Variants in RASSF5 observed in about 807,000 individuals in gnomAD.
RASSF5 encodes ras association domain-containing protein 5.
RASSF5 carries 25 observed loss-of-function variants against 40.5 expected under a neutral mutation model. The observed-to-expected ratio is 0.62, with a 90% CI of 0.45 to 0.86. The LOEUF is 0.86. Ranked by LOEUF, RASSF5 falls within the 40% of genes least tolerant of loss-of-function variation. The pLI, the probability that RASSF5 is intolerant of heterozygous loss-of-function variation, is 0.00. For missense variants in RASSF5, 521 were observed against 572.8 expected (o/e 0.91, Z 0.92); for synonymous variants, 246 against 252.4 (o/e 0.97, Z 0.24).
chr1:206,513,482 T>C lies in RASSF5; in HGVS notation c.457+5423T>C, dbSNP rs956384863. Among the ~76,000 whole-genome samples the C allele has an allele frequency of 6.6e-6, 1 of 152,346 alleles. No individual in the cohort carries two copies. The highest frequency in any genetic ancestry group is 2.4e-5 in the African/African-American group (1 of 41,578). On this transcript the variant is annotated intron_variant, in intron 1 of 5. Coordinates refer to ENST00000579436, the MANE Select transcript of RASSF5 (RefSeq NM_182663.4). This position sits in a 1 kb window ranked among gnomAD's most constrained non-coding sequence, Gnocchi z 5.0. Reference sequence around the variant, plus strand: ...GCTCAGTCAGCACCAGCTGGTATGATTTCCTTCTCACAAGCTTGCAGACCT... The same window carrying C: ...GCTCAGTCAGCACCAGCTGGTATGACTTCCTTCTCACAAGCTTGCAGACCT...
At chr1:206,563,829 C>T (rs1359983737) in intron 2 of RASSF5, among the ~76,000 whole-genome samples, 1 of 152,162 alleles carries the variant, frequency 6.6e-6, no homozygotes, top group Non-Finnish European at 1.5e-5. Context: ...AGGATTTGCC[C>T]CCAGTCACAC....
chr1:206,529,310 C>A, intron 1 of RASSF5: 1 of 805,260 alleles, frequency 1.2e-6, no homozygotes, highest in Non-Finnish European at 2.2e-6. Flanking sequence ...GACCACCTGT[C>A]CTTCGAGCAG....
rs1667664805 is a variant in RASSF5, at chr1:206,545,674, A to G, written c.579+7381A>G. 2.0e-5 allele frequency among the ~76,000 whole-genome samples: 3 copies of G among 152,180 alleles called. No individual in the cohort carries two copies. In the South Asian group the frequency reaches 6.2e-4, roughly 31 times the overall value. On this transcript the variant is annotated intron_variant, in intron 2 of 5. Coordinates refer to ENST00000579436, the MANE Select transcript of RASSF5 (RefSeq NM_182663.4). ...TGCTTAGTTAATTGACCTGTGTATCATTATGAAATGACCTTCTTTATCCCT... is the reference window on the plus strand; with the variant it reads ...TGCTTAGTTAATTGACCTGTGTATCGTTATGAAATGACCTTCTTTATCCCT...
In RASSF5 at chr1:206,584,580, C is replaced by G. The variant is rs1553407144; in HGVS notation, c.884C>G (p.Thr295Ser). The G allele has an allele frequency of 1.1e-5, 18 of 1,614,098 alleles. No homozygotes were observed. The highest frequency in any genetic ancestry group is 4.5e-5 in the East Asian group (2 of 44,892). ...DAIKQLHISS[T>S]TTVSEVIQGL... ...ATCAAGCAGCTGCACATCAGCAGCA[C>G]CACCACCGTCAGTGAGGTCATCCAG... is the stretch of plus-strand genomic sequence containing the variant. The change falls in exon 4 of 6, where the codon ACC (threonine) becomes AGC (serine). Residue 295 changes from threonine (T) to serine (S), a missense_variant. Around this residue, in one of 2 missense-constraint regions of RASSF5, gnomAD observed 284 missense variants for 360.8 expected, o/e 0.79. Transcript: ENST00000579436. The surrounding 1 kb of genome is among the most constrained non-coding windows in gnomAD (Gnocchi z 4.9).
chr1:206,536,783 C>A (rs139870853), intron 1 of RASSF5, among the ~76,000 whole-genome samples: 562 of 152,242 alleles, frequency 3.7e-3, no homozygotes, highest in African/African-American at 0.013. Flanking sequence ...ACTCCTGCCA[C>A]AAAACCCGCC....
At chr1:206,556,355 C>A (rs1427603961) in intron 2 of RASSF5, among the ~76,000 whole-genome samples, 1 of 152,214 alleles carries the variant, frequency 6.6e-6, no homozygotes, top group African/African-American at 2.4e-5. Context: ...TGATAGAGTG[C>A]ACGTAAATCA....
In RASSF5 at chr1:206,525,220, C is replaced by T. The variant is rs76725342; in HGVS notation, c.458-12952C>T. Reference sequence around the variant, plus strand: ...GATTAATGTGCCTGCCCGAGAGGCACACCCACCCACACCCACCCACGTGAG... The same window carrying T: ...GATTAATGTGCCTGCCCGAGAGGCATACCCACCCACACCCACCCACGTGAG... On this transcript the variant is annotated intron_variant, in intron 1 of 5. Coordinates refer to ENST00000579436, the MANE Select transcript of RASSF5 (RefSeq NM_182663.4). 5.9e-3 allele frequency among the ~76,000 whole-genome samples: 901 copies of T among 152,246 alleles called. 7 individuals carry two copies. The highest frequency in any genetic ancestry group is 0.02 in the African/African-American group (832 of 41,538).
intron 2 of RASSF5, chr1:206,572,796 G>A (rs1668493289): frequency 6.6e-6 from 1 of 152,166 alleles, no homozygotes; most frequent in Admixed American, 6.5e-5. Flanking sequence ...TGCAATCATA[G>A]AATATAATTT....
chr1:206,584,592 G>C lies in RASSF5; in HGVS notation c.896G>C (p.Ser299Thr). The C allele has an allele frequency of 6.2e-7, 1 of 1,614,246 alleles. No homozygotes were observed. The highest frequency in any genetic ancestry group is 8.5e-7 in the Non-Finnish European group (1 of 1,180,046). Residue 299 changes from serine to threonine, a missense_variant, in exon 4 of 6, where the codon AGT becomes ACT. Transcript: ENST00000579436. The surrounding 1 kb of genome is among the most constrained non-coding windows in gnomAD (Gnocchi z 4.9). ...CACATCAGCAGCACCACCACCGTCA[G>C]TGAGGTCATCCAGGGGCTGCTCAAG... ...QLHISSTTTV[S>T]EVIQGLLKKF...
intron 2 of RASSF5, among the ~76,000 whole-genome samples, chr1:206,574,697 G>A (rs1668570543): frequency 6.6e-6 from 1 of 152,066 alleles, no homozygotes; most frequent in South Asian, 2.1e-4. Flanking sequence ...TGCCATAGAG[G>A]GACCTGTGGA....
At chr1:206,557,733 G>T (rs373288171) in intron 2 of RASSF5, 26 of 1,602,316 alleles carry the variant, frequency 1.6e-5, no homozygotes, top group Non-Finnish European at 2.1e-5. Context: ...TTCGTGGGGG[G>T]AAATAACCTC....
chr1:206,577,962 C>T (rs1668715494), intron 2 of RASSF5, among the ~76,000 whole-genome samples: 1 of 152,102 alleles, frequency 6.6e-6, no homozygotes, highest in South Asian at 2.1e-4. Context: ...GTGGGTCACA[C>T]CTGTAATCCT....
At chr1:206,515,430 G>A (rs1553395270) in intron 1 of RASSF5, among the ~76,000 whole-genome samples, 3 of 152,192 alleles carry the variant, frequency 2.0e-5, no homozygotes, top group African/African-American at 7.2e-5. Flanking sequence ...TGTGTAGGGG[G>A]TGGGCCTGGA....
At chr1:206,575,427 T>C (rs1668603545) in intron 2 of RASSF5, among the ~76,000 whole-genome samples, 1 of 152,000 alleles carries the variant, frequency 6.6e-6, no homozygotes, top group Non-Finnish European at 1.5e-5. Context: ...TTTTCTTGAG[T>C]TGTGTGTGTT....
intron 1 of RASSF5, among the ~76,000 whole-genome samples, chr1:206,514,213 C>T (rs1481024186): frequency 6.6e-6 from 1 of 152,204 alleles, no homozygotes; most frequent in Non-Finnish European, 1.5e-5. Flanking sequence ...CTCCTGGCAT[C>T]ATAGCATGTG....
rs898359224 is a variant in RASSF5, at chr1:206,535,491, A to G, written c.458-2681A>G. Among the ~76,000 whole-genome samples the G allele has an allele frequency of 2.6e-5, 4 of 152,266 alleles. No individual in the cohort carries two copies. The highest frequency in any genetic ancestry group is 9.6e-5 in the African/African-American group (4 of 41,550). On this transcript the variant is annotated intron_variant, in intron 1 of 5. Coordinates refer to ENST00000579436, the MANE Select transcript of RASSF5 (RefSeq NM_182663.4). This position sits in a 1 kb window ranked among gnomAD's most constrained non-coding sequence, Gnocchi z 5.0. ...CTGACTTCATCTCTGCTGGCCTAAA[A>G]GCCCTGGGCTTGGCATTTCCAGGAC...
At chr1:206,568,078 A>C (rs1668332435) in intron 2 of RASSF5, among the ~76,000 whole-genome samples, 1 of 152,162 alleles carries the variant, frequency 6.6e-6, no homozygotes, top group Non-Finnish European at 1.5e-5. Flanking sequence ...GGATGCCCAC[A>C]AATGCAGCCT....
intron 1 of RASSF5, among the ~76,000 whole-genome samples, chr1:206,514,781 T>C (rs964033230): frequency 3.3e-5 from 5 of 152,248 alleles, no homozygotes; most frequent in South Asian, 2.1e-4. Flanking sequence ...ATCATTGTGT[T>C]TGCTGAAGAT....
At chr1:206,523,697 A>T (rs1490703855) in intron 1 of RASSF5, among the ~76,000 whole-genome samples, 1 of 78,992 alleles carries the variant, frequency 1.3e-5, no homozygotes, top group Non-Finnish European at 2.2e-5. Flanking sequence ...ATTATATATA[A>T]TATATTTATA....
Sources: gnomAD v4.1 joint callset for allele counts (sites outside exome capture counted in the v4.1 genomes callset) on GRCh38, gnomAD v4.1.1 for gene constraint, gnomAD v4.1.1 regional missense constraint, Gnocchi (gnomAD v3.1) non-coding constraint, MANE v1.5 for transcripts, NCBI Gene and HGNC (gene_info 2026-07-23, HGNC 2026-07-21) for gene names.